Variants in KALRN observed in about 807,000 individuals in gnomAD.
KALRN encodes kalirin.
Under a neutral mutation model 353.7 loss-of-function variants are expected in KALRN, and 70 were observed. The observed-to-expected ratio is 0.20, with a 90% CI of 0.16 to 0.24. The LOEUF is 0.24. Among genes scored for constraint, KALRN ranks in the 10% least tolerant of loss-of-function variants. The pLI, the probability that KALRN is intolerant of heterozygous loss-of-function variation, is 1.00. For synonymous variants in KALRN, 1,391 were observed against 1,434.8 expected, an observed-to-expected ratio of 0.97 and a Z score of 0.69; for missense variants, 2,791 against 3,756.7, an observed-to-expected ratio of 0.74 and a Z score of 6.72.
chr3:124,162,346 A>G (rs2070105225), intron 1 of KALRN: 1 of 152,188 alleles, frequency 6.6e-6, no homozygotes, highest in Admixed American at 6.5e-5. Flanking sequence ...AGTGAGAGCC[A>G]GTGTGAAGGT....
rs577403454 is a variant in KALRN at position 124,312,306 on chromosome 3, A to G, written c.1092+13393A>G. On this transcript the variant is annotated intron_variant, in intron 6 of 59. Transcript: ENST00000682506. ...CTCCTGAGTAGTTGGGATTACAGGC[A>G]CCCGCCACCATGCCCGGCTAATTTT... 2.4e-4 allele frequency among the ~76,000 whole-genome samples: 37 copies of G among 152,120 alleles called. No individual in the cohort carries two copies. In the East Asian group the frequency reaches 6.8e-3, roughly 28 times the overall value.
chr3:124,618,172 G>T (rs903305641), intron 34 of KALRN, among the ~76,000 whole-genome samples: 33 of 134,320 alleles, frequency 2.5e-4, no homozygotes, highest in Non-Finnish European at 4.6e-4. Flanking sequence ...GCAGCGGCAC[G>T]ATCTCGGCTC....
chr3:124,053,592 A>G (rs1019562253), intron 1 of KALRN, among the ~76,000 whole-genome samples: 1 of 152,026 alleles, frequency 6.6e-6, no homozygotes, highest in African/African-American at 2.4e-5. Flanking sequence ...CATTCTTCAA[A>G]CTCTACATAT....
chr3:124,332,456 C>T (rs997839135), intron 8 of KALRN, among the ~76,000 whole-genome samples: 1 of 152,070 alleles, frequency 6.6e-6, no homozygotes, highest in African/African-American at 2.4e-5. Flanking sequence ...GGCTCCAAGC[C>T]AGCTTTGATT....
chr3:124,575,382 G>A (rs552953090), intron 34 of KALRN, among the ~76,000 whole-genome samples: 33 of 152,350 alleles, frequency 2.2e-4, no homozygotes, highest in African/African-American at 7.9e-4. Context: ...GAATGTTCCA[G>A]TGTCTCCTGT....
At chr3:124,238,290 T>C (rs1475162365) in intron 3 of KALRN, among the ~76,000 whole-genome samples, 1 of 151,882 alleles carries the variant, frequency 6.6e-6, no homozygotes, top group African/African-American at 2.4e-5. Flanking sequence ...GCCCCAGAAA[T>C]GAGGGAACAG....
At position 124,488,293 on chromosome 3, in the gene KALRN, C is replaced by T; in HGVS notation, c.4374C>T (p.Ala1458=). 1 of 1,612,568 alleles carries T rather than the reference C, an allele frequency of 6.2e-7. No homozygotes were observed. The highest frequency in any genetic ancestry group is 8.5e-7 in the Non-Finnish European group (1 of 1,178,580). Residue 1458 remains alanine (A), a synonymous_variant, in exon 29 of 60, where the codon GCC becomes GCT. Transcript: ENST00000682506. ...MLSVPKKAND[A]MHVSMLEGFD... is the part of the protein sequence containing the mutation. ...GTGTCCCAAAGAAAGCCAATGATGC[C>T]ATGCATGTCAGCATGCTGGAAGGTA...
intron 1 of KALRN, among the ~76,000 whole-genome samples, chr3:124,217,850 G>C (rs2077493972): frequency 6.6e-6 from 1 of 152,222 alleles, no homozygotes; most frequent in Non-Finnish European, 1.5e-5. Context: ...CTGCAAACCT[G>C]GTTGTTACTT....
At chr3:124,687,860 GA>G (rs1252077291) in intron 51 of KALRN, among the ~76,000 whole-genome samples, 5 of 149,446 alleles carry the variant, frequency 3.3e-5, no homozygotes, top group African/African-American at 1.2e-4. Context: ...CTGGGTAAAA[GA>G]AAAAAATCAT....
chr3:124,063,137 C>T (rs748341253), intron 1 of KALRN, among the ~76,000 whole-genome samples: 4 of 151,968 alleles, frequency 2.6e-5, no homozygotes, highest in African/African-American at 4.8e-5. Context: ...CTAGGACAGC[C>T]GGAGGTGAGA....
At chr3:124,176,986 T>C (rs544364938) in intron 1 of KALRN, among the ~76,000 whole-genome samples, 2 of 152,264 alleles carry the variant, frequency 1.3e-5, no homozygotes, top group East Asian at 3.9e-4. Context: ...GAGAGGCCCA[T>C]TGGGTCCCAA....
In KALRN at chr3:124,667,021, T is replaced by C. The variant is rs374786476; in HGVS notation, c.6541T>C (p.Leu2181=). 5 of 1,597,144 alleles carry C rather than the reference T, an allele frequency of 3.1e-6. No individual in the cohort carries two copies. The African/African-American group carries it at 5.4e-5, about 17-fold the overall frequency. ...ACTCGTTTTCTTCCAGATGAATTAC[T>C]TGGTCCTGGAGGAGAATGTGGACAA... ...MFKRSIKMNY[L]VLEENVDNDP... Residue 2181 remains leucine, a synonymous_variant, in exon 47 of 60, where the codon TTG becomes CTG. Transcript: ENST00000682506.
At chr3:124,094,801 C>G (rs371973204) in intron 1 of KALRN, 15 of 1,593,208 alleles carry the variant, frequency 9.4e-6, no homozygotes, top group Non-Finnish European at 1.1e-5. Context: ...GAGGCTCTGC[C>G]GAGGGGACTG....
chr3:124,657,669 T>C, intron 40 of KALRN, 65 bp from the exon 41 acceptor site: 1 of 1,407,982 alleles, frequency 7.1e-7, no homozygotes, highest in Non-Finnish European at 1.0e-6. Context: ...ATTCATCTTA[T>C]TATTGAGAAA....
chr3:124,108,486 C>T (rs1423089312), intron 1 of KALRN, among the ~76,000 whole-genome samples: 1 of 152,214 alleles, frequency 6.6e-6, no homozygotes, highest in African/African-American at 2.4e-5. Context: ...TAGCTGCCTA[C>T]ATGTTTGGGC....
intron 10 of KALRN, among the ~76,000 whole-genome samples, chr3:124,379,866 T>A (rs552610568): frequency 1.3e-5 from 2 of 152,354 alleles, no homozygotes; most frequent in South Asian, 4.1e-4. Context: ...TTGGGTGTTA[T>A]CTTGATTGCT....
intron 45 of KALRN, among the ~76,000 whole-genome samples, chr3:124,664,097 C>T (rs1048219687): frequency 5.9e-5 from 9 of 152,128 alleles, no homozygotes; most frequent in South Asian, 2.1e-4. Context: ...ATTTTTCTTC[C>T]GTCATACTGG....
In KALRN at chr3:124,387,575, C is replaced by T. The variant is rs564085207; in HGVS notation, c.1962+2539C>T. On this transcript the variant is annotated intron_variant, in intron 11 of 59. Coordinates refer to ENST00000682506, the MANE Select transcript of KALRN (RefSeq NM_001388419.1). ...AAAGGCCATGCTTTTTTCTCCTTTG[C>T]CACAAAGACTTTTATATAAAGGCTA... is the stretch of plus-strand genomic sequence containing the variant. Among the ~76,000 whole-genome samples, 8 of 152,224 alleles carry T rather than the reference C, an allele frequency of 5.3e-5. No individual in the cohort carries two copies. The South Asian group carries it at 1.2e-3, about 24-fold the overall frequency.
intron 35 of KALRN, 23 bp downstream of exon 35, chr3:124,632,726 T>A (rs41264661): frequency 6.2e-7 from 1 of 1,604,694 alleles, no homozygotes; most frequent in East Asian, 2.2e-5. Context: ...GGCCCTGGAG[T>A]TGTCCATCAG....
Sources: gnomAD v4.1 joint callset for allele counts (sites outside exome capture counted in the v4.1 genomes callset) on GRCh38, gnomAD v4.1.1 for gene constraint, MANE v1.5 for transcripts, NCBI Gene and HGNC (gene_info 2026-07-23, HGNC 2026-07-21) for gene names.